The following CNTN5 variants were observed in gnomAD, a reference collection of about 807,000 sequenced individuals.
The protein encoded by CNTN5 is contactin-5.
In CNTN5, 77 loss-of-function variants were observed where a neutral mutation model predicts 129.1. The observed-to-expected ratio is 0.60, with a 90% confidence interval of 0.50 to 0.72. CNTN5 has a LOEUF of 0.72. CNTN5 is among the 30% of genes least tolerant of loss of function. The probability of loss-of-function intolerance (pLI) is 0.00; values close to 1 mark genes in which losing one functional copy is unlikely to be tolerated. For missense variants in CNTN5, 1,478 were observed against 1,328.8 expected (o/e 1.11, Z -1.75); for synonymous variants, 509 against 465.6 (o/e 1.09, Z -1.20).
At chr11:99,304,360 C>T (rs1043765636) in intron 1 of CNTN5, among the ~76,000 whole-genome samples, 3 of 152,104 alleles carry the variant, frequency 2.0e-5, no homozygotes, top group Admixed American at 2.0e-4. Context: ...CCTTAGTACA[C>T]TTTGTGTAAG....
Position 99,912,266 on chromosome 11 carries a change from G to T in CNTN5, c.578-3788G>T, listed in dbSNP as rs1012084779. Reference sequence around the variant, plus strand: ...TTCATGTATTAATAGCTCCCATTTAGAGAAATAGTGTGAAGTGCTACATGG... The same window carrying T: ...TTCATGTATTAATAGCTCCCATTTATAGAAATAGTGTGAAGTGCTACATGG... On this transcript the variant is annotated intron_variant, in intron 6 of 24. Coordinates refer to ENST00000524871, the MANE Select transcript of CNTN5 (RefSeq NM_014361.4). Among the ~76,000 whole-genome samples the T allele has an allele frequency of 7.2e-5, 11 of 152,114 alleles. No homozygotes were observed. The East Asian group carries it at 2.1e-3, about 29-fold the overall frequency.
At chr11:99,206,196 G>A (rs1424186553) in intron 1 of CNTN5, among the ~76,000 whole-genome samples, 4 of 152,090 alleles carry the variant, frequency 2.6e-5, no homozygotes, top group Non-Finnish European at 4.4e-5. Context: ...TGTGCAGGTA[G>A]ATTTATTTCC....
intron 16 of CNTN5, among the ~76,000 whole-genome samples, chr11:100,237,813 A>G (rs1949653868): frequency 6.6e-6 from 1 of 152,234 alleles, no homozygotes; most frequent in Non-Finnish European, 1.5e-5. Context: ...ATTTCATAGA[A>G]CATTACATGT....
intron 1 of CNTN5, among the ~76,000 whole-genome samples, chr11:99,086,629 T>C (rs1866019076): frequency 3.3e-5 from 5 of 152,188 alleles, no homozygotes; most frequent in African/African-American, 1.2e-4. Flanking sequence ...TGAAATGGTA[T>C]TGAATAAAAT....
At chr11:100,015,821 A>G (rs1229427624) in intron 9 of CNTN5, among the ~76,000 whole-genome samples, 1 of 152,060 alleles carries the variant, frequency 6.6e-6, no homozygotes, top group Non-Finnish European at 1.5e-5. Flanking sequence ...GGTGTTGATG[A>G]TTTCCTTTAG....
chr11:99,214,030 A>G (rs754219106), intron 1 of CNTN5, among the ~76,000 whole-genome samples: 10 of 152,188 alleles, frequency 6.6e-5, no homozygotes, highest in Non-Finnish European at 1.5e-4. Flanking sequence ...AAAAAAATGC[A>G]GTTACTGCTA....
At chr11:99,638,923 A>C (rs1951665355) in intron 3 of CNTN5, among the ~76,000 whole-genome samples, 1 of 151,650 alleles carries the variant, frequency 6.6e-6, no homozygotes, top group Admixed American at 6.6e-5. Flanking sequence ...TCTTCTCACA[A>C]CTCTACTAGG....
chr11:99,207,800 T>C (rs560033005), intron 1 of CNTN5, among the ~76,000 whole-genome samples: 2 of 152,188 alleles, frequency 1.3e-5, no homozygotes, highest in Non-Finnish European at 2.9e-5. Context: ...TGGTCTACCA[T>C]ATGGCTGTCT....
intron 2 of CNTN5, among the ~76,000 whole-genome samples, chr11:99,417,846 C>A (rs1267714856): frequency 5.9e-5 from 9 of 152,058 alleles, no homozygotes; most frequent in Non-Finnish European, 1.0e-4. Flanking sequence ...ACTTTATTGT[C>A]CCCATTTTGG....
chr11:99,050,698 A>G, intron 1 of CNTN5, among the ~76,000 whole-genome samples: 1 of 151,924 alleles, frequency 6.6e-6, no homozygotes, highest in South Asian at 2.1e-4. Flanking sequence ...TATGCATTAC[A>G]TATATTTAGC....
intron 2 of CNTN5, among the ~76,000 whole-genome samples, chr11:99,414,352 T>G (rs956426862): frequency 2.0e-5 from 3 of 152,156 alleles, no homozygotes; most frequent in Non-Finnish European, 4.4e-5. Context: ...TGTATGTGTA[T>G]AGTTGTGCAC....
At chr11:99,491,430 C>A (rs866578963) in intron 2 of CNTN5, among the ~76,000 whole-genome samples, 1 of 152,024 alleles carries the variant, frequency 6.6e-6, no homozygotes, top group Non-Finnish European at 1.5e-5. Flanking sequence ...TATTGACTCC[C>A]GGTGGAAGTA....
chr11:99,108,173 T>G (rs1402058011), intron 1 of CNTN5, among the ~76,000 whole-genome samples: 1 of 152,152 alleles, frequency 6.6e-6, no homozygotes, highest in Non-Finnish European at 1.5e-5. Flanking sequence ...TGGATTAGAA[T>G]TTGTATATAA....
chr11:99,728,606 A>T (rs900996073), intron 3 of CNTN5, among the ~76,000 whole-genome samples: 1 of 152,226 alleles, frequency 6.6e-6, no homozygotes, highest in Non-Finnish European at 1.5e-5. Context: ...GTGATGTAGA[A>T]CAAAGTTGTC....
chr11:100,235,652 G>A (rs1949597188), intron 16 of CNTN5, among the ~76,000 whole-genome samples: 1 of 152,018 alleles, frequency 6.6e-6, no homozygotes, highest in South Asian at 2.1e-4. Flanking sequence ...TAGGTCTAGT[G>A]TGCCTTCTTC....
chr11:99,099,128 C>A (rs1207013987), intron 1 of CNTN5, among the ~76,000 whole-genome samples: 1 of 151,968 alleles, frequency 6.6e-6, no homozygotes, highest in Non-Finnish European at 1.5e-5. Flanking sequence ...TTACATTGCA[C>A]AGAAATTTTC....
intron 3 of CNTN5, among the ~76,000 whole-genome samples, chr11:99,655,030 A>C (rs566736648): frequency 1.8e-4 from 27 of 151,702 alleles, no homozygotes; most frequent in South Asian, 1.0e-3. Context: ...TTGGTGGAAG[A>C]GTGCTGCGTG....
intron 16 of CNTN5, among the ~76,000 whole-genome samples, chr11:100,232,065 A>G (rs1175233318): frequency 6.6e-6 from 1 of 152,098 alleles, no homozygotes; most frequent in Non-Finnish European, 1.5e-5. Context: ...GAGGCAGTAG[A>G]ATTGCTTGAA....
intron 3 of CNTN5, among the ~76,000 whole-genome samples, chr11:99,725,708 G>T (rs904008237): frequency 1.3e-5 from 2 of 152,162 alleles, no homozygotes; most frequent in Non-Finnish European, 2.9e-5. Context: ...GATTCCTGTA[G>T]TGTATCTGCA....
Sources: gnomAD v4.1 joint callset for allele counts (sites outside exome capture counted in the v4.1 genomes callset) on GRCh38, gnomAD v4.1.1 for gene constraint, MANE v1.5 for transcripts, NCBI Gene and HGNC (gene_info 2026-07-23, HGNC 2026-07-21) for gene names.